TJP1: variants seen among roughly 807,000 people sequenced by gnomAD.
The protein encoded by TJP1 is tight junction protein 1.
TJP1 carries 43 observed loss-of-function variants against 194.2 expected under a neutral mutation model. That is an observed-to-expected ratio of 0.22 (90% confidence interval 0.17 to 0.29). The LOEUF is 0.29. Ranked by LOEUF, TJP1 falls within the 10% of genes least tolerant of loss-of-function variation. The probability of loss-of-function intolerance (pLI) is 1.00; values close to 1 mark genes in which losing one functional copy is unlikely to be tolerated. For synonymous variants in TJP1, 801 were observed against 779.0 expected (o/e 1.03, Z -0.47); for missense variants, 1,971 against 2,185.7 (o/e 0.90, Z 1.96).
intron 2 of TJP1, among the ~76,000 whole-genome samples, chr15:29,799,040 G>A (rs1200656950): frequency 6.6e-6 from 1 of 152,184 alleles, no homozygotes; most frequent in Non-Finnish European, 1.5e-5. Context: ...GAAAGTTTTT[G>A]TATTGAAGTT....
rs761641995 is a variant in TJP1, at chr15:29,718,507, C to G, written c.3635G>C (p.Gly1212Ala). Residue 1212 changes from glycine (G) to alanine (A), a missense_variant, in exon 21 of 28, where the codon GGT becomes GCT. Physicochemically the swap from Gly to Ala is moderately conservative, Grantham distance 60. Coordinates refer to ENST00000614355, the MANE Select transcript of TJP1 (RefSeq NM_001330239.4). Reference sequence around the variant, plus strand: ...AGCACCATGGAGAGGCTCAAAATGACCTGCTCTAGAGGTAAATCCTTGGGG... The same window carrying G: ...AGCACCATGGAGAGGCTCAAAATGAGCTGCTCTAGAGGTAAATCCTTGGGG... Reference protein sequence around the residue: ...VPPQGFTSRAGHFEPLHGAAA... With the variant: ...VPPQGFTSRAAHFEPLHGAAA... 1 of 1,614,124 alleles carries G rather than the reference C, an allele frequency of 6.2e-7. No individual in the cohort carries two copies. Among genetic ancestry groups the G allele is most frequent in the South Asian group, 1.1e-5 (1 of 91,080 alleles).
Position 29,700,722 on chromosome 15 carries a change from A to C in TJP1, c.*873T>G, listed in dbSNP as rs564774514. ...CAGAAAACCACCACTGCCCCTTGTC[A>C]AAAAAAAAAAAAAAGAAAAGAAAAG... On this transcript the variant is annotated 3_prime_UTR_variant, in exon 28 of 28. Coordinates refer to ENST00000614355, the MANE Select transcript of TJP1 (RefSeq NM_001330239.4). 1.6e-4 allele frequency: 9 copies of C among 55,000 alleles called. No individual in the cohort carries two copies. The highest frequency in any genetic ancestry group is 5.2e-4 in the African/African-American group (9 of 17,284). The allele number at this position is 55,000 out of a possible 1,614,324, so 3.4% of individuals were successfully genotyped here.
chr15:29,960,651 A>AAAAG (rs1555461601), intron 1 of TJP1, among the ~76,000 whole-genome samples: 10 of 150,782 alleles, frequency 6.6e-5, no homozygotes, highest in African/African-American at 2.5e-4. Context: ...AAAAAAAAAA[A>AAAAG]GTAATAATCA....
At chr15:29,729,849 G>A in intron 15 of TJP1, among the ~76,000 whole-genome samples, 1 of 151,726 alleles carries the variant, frequency 6.6e-6, no homozygotes, top group East Asian at 1.9e-4. Context: ...GGTTACTGAG[G>A]GTCATATAGT....
chr15:29,915,788 AAAGT>A (rs76751263), intron 2 of TJP1, among the ~76,000 whole-genome samples: 46,133 of 147,866 alleles, frequency 0.31, 8,266 homozygotes, highest in East Asian at 0.56. Context: ...ATTTGAATGC[AAAGT>A]ATGTAGCTAC....
chr15:29,762,763 A>G (rs2046089435), intron 5 of TJP1, among the ~76,000 whole-genome samples: 1 of 152,108 alleles, frequency 6.6e-6, no homozygotes, highest in African/African-American at 2.4e-5. Context: ...CAGAATGATT[A>G]AGGAATACAA....
At chr15:29,754,849 C>T (rs1302200356) in intron 8 of TJP1, among the ~76,000 whole-genome samples, 3 of 152,174 alleles carry the variant, frequency 2.0e-5, no homozygotes, top group African/African-American at 4.8e-5. Context: ...ATTACCTACG[C>T]TCAACCTGTA....
rs1481259806 is a variant in TJP1 at position 29,705,627 on chromosome 15, T to C, written c.4969A>G (p.Ile1657Val). 2.5e-6 allele frequency: 4 copies of C among 1,614,226 alleles called. No individual in the cohort carries two copies. Among genetic ancestry groups the C allele is most frequent in the Non-Finnish European group, 2.5e-6 (3 of 1,180,050 alleles). ...LSSIETGVSIIIPQGAIPEGV... is the reference protein window; with the variant it reads ...LSSIETGVSIVIPQGAIPEGV... ...TCGGGAATGGCTCCTTGAGGGATAA[T>C]TATACTAACACCAGTTTCTATGGAA... Residue 1657 changes from isoleucine (I) to valine (V), a missense_variant, in exon 26 of 28, where the codon ATT becomes GTT. Physicochemically the swap from Ile to Val is conservative, Grantham distance 29. Around this residue, in one of 5 missense-constraint regions of TJP1, gnomAD observed 1,108 missense variants for 1,128.5 expected, o/e 0.98. Transcript: ENST00000614355.
At chr15:29,958,603 G>A (rs7174134) in intron 1 of TJP1, among the ~76,000 whole-genome samples, 9,794 of 152,104 alleles carry the variant, frequency 0.064, 978 homozygotes, top group African/African-American at 0.21. Flanking sequence ...ACTCTAGTTA[G>A]CTATATACAC....
At chr15:29,931,527 A>C (rs149461842) in intron 2 of TJP1, among the ~76,000 whole-genome samples, 1 of 152,316 alleles carries the variant, frequency 6.6e-6, no homozygotes, top group African/African-American at 2.4e-5. Context: ...TTCTAATTCT[A>C]TATGTTCAAT....
intron 1 of TJP1, among the ~76,000 whole-genome samples, chr15:29,812,238 C>T (rs781391064): frequency 6.6e-5 from 10 of 152,158 alleles, no homozygotes; most frequent in Non-Finnish European, 1.3e-4. Context: ...AGGATCTGGC[C>T]TGCTGACAGG....
intron 8 of TJP1, among the ~76,000 whole-genome samples, chr15:29,747,778 G>A (rs1595738955): frequency 6.6e-6 from 1 of 152,118 alleles, no homozygotes; most frequent in East Asian, 1.9e-4. Flanking sequence ...ATAAACGATA[G>A]GTCGTCATTG....
chr15:29,768,796 C>A (rs765680979), intron 4 of TJP1, among the ~76,000 whole-genome samples: 1 of 151,712 alleles, frequency 6.6e-6, no homozygotes, highest in East Asian at 1.9e-4. Context: ...CAACTATGCT[C>A]GATTTTAACA....
intron 16 of TJP1, 103 bp from the exon 17 acceptor site, chr15:29,727,094 A>G: frequency 9.6e-7 from 1 of 1,043,270 alleles, no homozygotes; most frequent in Admixed American, 2.2e-5. Context: ...CTATAATCCT[A>G]GCACTTTGGG....
chr15:29,952,629 T>A (rs1473809314), intron 2 of TJP1, among the ~76,000 whole-genome samples: 1 of 152,156 alleles, frequency 6.6e-6, no homozygotes, highest in Non-Finnish European at 1.5e-5. Context: ...TAGACAAATT[T>A]GGAAAAATTA....
chr15:29,789,881 A>C (rs1052542545), intron 2 of TJP1, among the ~76,000 whole-genome samples: 1 of 152,240 alleles, frequency 6.6e-6, no homozygotes, highest in East Asian at 1.9e-4. Flanking sequence ...TGTGTTTCTT[A>C]AAAGTGGGAT....
At chr15:29,755,424 A>G (rs1202846634) in intron 8 of TJP1, among the ~76,000 whole-genome samples, 3 of 152,248 alleles carry the variant, frequency 2.0e-5, no homozygotes, top group African/African-American at 7.2e-5. Context: ...TTTTGATCCC[A>G]AATATATGAT....
At chr15:29,817,956 C>G (rs972704715) in intron 1 of TJP1, among the ~76,000 whole-genome samples, 3 of 151,426 alleles carry the variant, frequency 2.0e-5, no homozygotes, top group African/African-American at 7.3e-5. Flanking sequence ...CCATGGCACA[C>G]GTATACCTAT....
At chr15:29,871,042 G>A (rs1282999265) in intron 2 of TJP1, among the ~76,000 whole-genome samples, 1 of 152,162 alleles carries the variant, frequency 6.6e-6, no homozygotes, top group Non-Finnish European at 1.5e-5. Context: ...GCAGGGAGGA[G>A]GCATTTCCCA....
Sources: gnomAD v4.1 joint callset for allele counts (sites outside exome capture counted in the v4.1 genomes callset) on GRCh38, gnomAD v4.1.1 for gene constraint, gnomAD v4.1.1 regional missense constraint, MANE v1.5 for transcripts, NCBI Gene and HGNC (gene_info 2026-07-23, HGNC 2026-07-21) for gene names.